ATP2B2: variants seen among roughly 807,000 people sequenced by gnomAD.
ATP2B2 encodes plasma membrane calcium-transporting ATPase 2.
A neutral mutation model predicts 120.0 loss-of-function variants in ATP2B2; 15 were observed. That is an observed-to-expected ratio of 0.12 (90% CI 0.08 to 0.19). The LOEUF is 0.19. ATP2B2 is among the 10% of genes least tolerant of loss of function. The pLI, the probability that ATP2B2 is intolerant of heterozygous loss-of-function variation, is 1.00. For missense variants in ATP2B2, 1,045 were observed against 1,719.8 expected (o/e 0.61, Z 6.94); for synonymous variants, 694 against 700.3 (o/e 0.99, Z 0.14).
rs1192861055 is a variant in ATP2B2 at position 10,467,310 on chromosome 3, C to T, written c.-319-17448G>A. On this transcript the variant is annotated intron_variant, in intron 1 of 22. Transcript: ENST00000360273. ...GTGGACCACTGGTTATGCCTTAGCACAGGCTATTCCCTGCCTTCTGCTTCT... is the reference window on the plus strand; with the variant it reads ...GTGGACCACTGGTTATGCCTTAGCATAGGCTATTCCCTGCCTTCTGCTTCT... Among the ~76,000 whole-genome samples, 6 of 152,234 alleles carry T rather than the reference C, an allele frequency of 3.9e-5. No homozygotes were observed. The East Asian group carries it at 1.2e-3, about 29-fold the overall frequency.
At chr3:10,706,139 C>A (rs1250185753) in intron 1 of ATP2B2, among the ~76,000 whole-genome samples, 1 of 152,168 alleles carries the variant, frequency 6.6e-6, no homozygotes, top group African/African-American at 2.4e-5. Flanking sequence ...TTTCTAAGTG[C>A]CTCCTGACTC....
At chr3:10,700,473 G>A (rs1216398419) in intron 1 of ATP2B2, among the ~76,000 whole-genome samples, 1 of 152,184 alleles carries the variant, frequency 6.6e-6, no homozygotes, top group Non-Finnish European at 1.5e-5. Flanking sequence ...GGCATAGCAT[G>A]GAGAGATGAG....
chr3:10,405,040 G>A (rs986342096), intron 3 of ATP2B2, among the ~76,000 whole-genome samples: 3 of 152,148 alleles, frequency 2.0e-5, no homozygotes, highest in Admixed American at 1.3e-4. Context: ...TTCTGGAATC[G>A]GAAAGACCTA....
Position 10,349,794 on chromosome 3 carries a change from G to A in ATP2B2, c.2404+318C>T, listed in dbSNP as rs987425173. 2.6e-5 allele frequency among the ~76,000 whole-genome samples: 4 copies of A among 152,126 alleles called. No individual in the cohort carries two copies. In the East Asian group the frequency reaches 5.8e-4, roughly 22 times the overall value. Reference sequence around the variant, plus strand: ...TTTCAAATCCATCATTTAAAAAGGCGCTGTACCGGCCACATAGAACACGTC... The same window carrying A: ...TTTCAAATCCATCATTTAAAAAGGCACTGTACCGGCCACATAGAACACGTC... On this transcript the variant is annotated intron_variant, in intron 16 of 22. Transcript: ENST00000360273.
intron 1 of ATP2B2, among the ~76,000 whole-genome samples, chr3:10,676,982 C>T (rs975730044): frequency 1.3e-5 from 2 of 152,158 alleles, no homozygotes; most frequent in Non-Finnish European, 2.9e-5. Flanking sequence ...ATGATGCAGC[C>T]ACTTTGAAAG....
intron 1 of ATP2B2, among the ~76,000 whole-genome samples, chr3:10,691,759 G>C (rs1357955151): frequency 6.6e-6 from 1 of 152,208 alleles, no homozygotes; most frequent in East Asian, 1.9e-4. Flanking sequence ...GGGTTCTCCA[G>C]GGTTTCTACA....
At chr3:10,417,636 T>C (rs1399484128) in intron 2 of ATP2B2, among the ~76,000 whole-genome samples, 1 of 152,230 alleles carries the variant, frequency 6.6e-6, no homozygotes, top group Non-Finnish European at 1.5e-5. Context: ...CATTTACTCA[T>C]TCAATCAATC....
At chr3:10,668,925 C>T (rs557298633) in intron 1 of ATP2B2, among the ~76,000 whole-genome samples, 33 of 152,316 alleles carry the variant, frequency 2.2e-4, no homozygotes, top group African/African-American at 6.7e-4. Flanking sequence ...TCACACAACC[C>T]GAGGAGAGCC....
chr3:10,674,573 T>C (rs750153661), intron 1 of ATP2B2, among the ~76,000 whole-genome samples: 16 of 152,210 alleles, frequency 1.1e-4, no homozygotes, highest in Non-Finnish European at 2.2e-4. Context: ...GTAACATATT[T>C]TTCTTTCTTT....
At chr3:10,355,948 GCC>G (rs1183509789) in intron 14 of ATP2B2, among the ~76,000 whole-genome samples, 2 of 76,318 alleles carry the variant, frequency 2.6e-5, no homozygotes, top group East Asian at 0.023. Flanking sequence ...GGTAGCGGGC[GCC>G]TGTAGTCCCA....
Position 10,400,980 on chromosome 3 carries a change from C to G in ATP2B2, c.754G>C (p.Val252Leu). ...GACAGCAGCATGGGGTCCTTGTCCA[C>G]GGACTTGCGCACCTGGTCAGACTCT... is the stretch of plus-strand genomic sequence containing the variant. ...TGESDQVRKS[V>L]DKDPMLLSGT... is the part of the protein sequence containing the mutation. The change falls in exon 5 of 23, where the codon GTG becomes CTG. Residue 252 changes from valine (V) to leucine (L), a missense_variant. Around this residue, in one of 11 missense-constraint regions of ATP2B2, gnomAD observed 145 missense variants for 202.0 expected, o/e 0.72. Coordinates refer to ENST00000360273, the MANE Select transcript of ATP2B2 (RefSeq NM_001001331.4). The G allele has an allele frequency of 6.2e-7, 1 of 1,614,098 alleles. No homozygotes were observed. The highest frequency in any genetic ancestry group is 1.1e-5 in the South Asian group (1 of 91,076).
In ATP2B2 at chr3:10,472,413, T is replaced by TG. The variant is rs1374848638; in HGVS notation, c.-319-22552dup. On this transcript the variant is annotated intron_variant, in intron 1 of 22. Transcript: ENST00000360273. The stretch of plus-strand genomic sequence containing the variant: ...TGCACTGACTGCCCAGACCTCTTGC[T>TG]GGGGGGACGCTGCGGGGCAGGGCAA... Among the ~76,000 whole-genome samples the TG allele has an allele frequency of 2.6e-5, 4 of 152,128 alleles. No individual in the cohort carries two copies. In the East Asian group the frequency reaches 5.8e-4, roughly 22 times the overall value.
chr3:10,488,277 G>C (rs111215327), intron 1 of ATP2B2, among the ~76,000 whole-genome samples: 42,455 of 81,482 alleles, frequency 0.52, 9,015 homozygotes, highest in Middle Eastern at 0.57. Context: ...ATCCATCCAT[G>C]CATGCATCCA....
intron 1 of ATP2B2, among the ~76,000 whole-genome samples, chr3:10,647,049 A>G (rs1238834613): frequency 6.6e-6 from 1 of 152,132 alleles, no homozygotes; most frequent in African/African-American, 2.4e-5. Context: ...TCAGCAAAGC[A>G]GTGGGGTTCC....
chr3:10,597,328 CAGGCACACACACAGGCACAGGCACCT>C (rs1246129586), intron 2 of ATP2B2, among the ~76,000 whole-genome samples: 1 of 150,048 alleles, frequency 6.7e-6, no homozygotes, highest in Non-Finnish European at 1.5e-5. Context: ...GGCACACACA[CAGGCACACACACAGGCACAGGCACCT>C]AGGCACACAC....
At chr3:10,558,920 A>G (rs1032669262) in intron 2 of ATP2B2, among the ~76,000 whole-genome samples, 1 of 152,192 alleles carries the variant, frequency 6.6e-6, no homozygotes, top group South Asian at 2.1e-4. Context: ...TGCACCCTCC[A>G]GGAGTGAGGC....
At chr3:10,364,569 G>A (rs1000420899) in intron 12 of ATP2B2, among the ~76,000 whole-genome samples, 5 of 151,890 alleles carry the variant, frequency 3.3e-5, no homozygotes, top group African/African-American at 1.2e-4. Context: ...AAATTAGCCA[G>A]GAGTGGTGGC....
At position 10,675,606 on chromosome 3, in the gene ATP2B2, A is replaced by T. The variant is rs182209772; in HGVS notation, c.-460+32309T>A. On this transcript the variant is annotated intron_variant, in intron 1 of 21. Coordinates refer to the ATP2B2 transcript ENST00000646379. ...ACCACCAGGAGTTCCGGTGTAGCCC[A>T]GGGTGCCTGTGACTTGTCCCTGGCT... 1.4e-3 allele frequency among the ~76,000 whole-genome samples: 210 copies of T among 152,286 alleles called. 1 individual carries two copies. The highest frequency in any genetic ancestry group is 4.7e-3 in the African/African-American group (197 of 41,574).
Position 10,388,377 on chromosome 3 carries a change from T to A in ATP2B2, c.807A>T (p.Gly269=). 1.2e-6 allele frequency: 2 copies of A among 1,614,114 alleles called. No homozygotes were observed. The highest frequency in any genetic ancestry group is 1.7e-6 in the Non-Finnish European group (2 of 1,180,020). ...CACCCACAGCAGTCACCAACATCCG[T>A]CCTGAGCCCTCCATCACGTGGGTTC... ...LSGTHVMEGS[G]RMLVTAVGVN... Residue 269 remains glycine (G), a synonymous_variant, in exon 6 of 23, where the codon GGA becomes GGT. Coordinates refer to ENST00000360273, the MANE Select transcript of ATP2B2 (RefSeq NM_001001331.4).
Sources: gnomAD v4.1 joint callset for allele counts (sites outside exome capture counted in the v4.1 genomes callset) on GRCh38, gnomAD v4.1.1 for gene constraint, gnomAD v4.1.1 regional missense constraint, MANE v1.5 for transcripts, NCBI Gene and HGNC (gene_info 2026-07-23, HGNC 2026-07-21) for gene names.